UGT1A7: variants seen among roughly 807,000 people sequenced by gnomAD.
UGT1A7 encodes UDP-glucuronosyltransferase 1A7.
A neutral mutation model predicts 45.6 loss-of-function variants in UGT1A7; 33 were observed. The observed-to-expected ratio is 0.72, with a 90% CI of 0.55 to 0.97. The LOEUF is 0.97. Among genes scored for constraint, UGT1A7 ranks in the 50% least tolerant of loss-of-function variants. The pLI is 0.00. For synonymous variants in UGT1A7, 274 were observed against 250.6 expected (o/e 1.09, Z -0.88); for missense variants, 684 against 666.2 (o/e 1.03, Z -0.29).
chr2:233,739,902 C>T (rs1181002925), intron 1 of UGT1A7, among the ~76,000 whole-genome samples: 2 of 151,866 alleles, frequency 1.3e-5, no homozygotes, highest in Non-Finnish European at 2.9e-5. Context: ...AATCTCATCT[C>T]ATATTGTAAT....
chr2:233,683,289 T>C (rs2074626514), intron 1 of UGT1A7, among the ~76,000 whole-genome samples: 1 of 152,164 alleles, frequency 6.6e-6, no homozygotes, highest in South Asian at 2.1e-4. Context: ...GTTAAAGATA[T>C]CTTTACAGGT....
At position 233,713,306 on chromosome 2, in the gene UGT1A7, T is replaced by C. The variant is rs756011184; in HGVS notation, c.855+30514T>C. The C allele has an allele frequency of 9.9e-6, 16 of 1,614,116 alleles. No homozygotes were observed. In the African/African-American group the frequency reaches 1.7e-4, roughly 17 times the overall value. ...CTCAATCGTTCTTTGAAACAGAACA[T>C]CTTCTGATGAAATTTTCTAGAAGAA... On this transcript the variant is annotated intron_variant, in intron 1 of 4. Transcript: ENST00000373426.
At chr2:233,766,637 C>G (rs1389389579) in intron 1 of UGT1A7, among the ~76,000 whole-genome samples, 2 of 152,186 alleles carry the variant, frequency 1.3e-5, no homozygotes, top group African/African-American at 4.8e-5. Flanking sequence ...TTCCCTACTT[C>G]CATATCATTT....
chr2:233,713,124 C>T lies in UGT1A7; in HGVS notation c.855+30332C>T, dbSNP rs746932812. 81 of 1,614,064 alleles carry T rather than the reference C, an allele frequency of 5.0e-5. No individual in the cohort carries two copies. In the East Asian group the frequency reaches 1.0e-3, roughly 20 times the overall value. On this transcript the variant is annotated intron_variant, in intron 1 of 4. Coordinates refer to ENST00000373426, the MANE Select transcript of UGT1A7 (RefSeq NM_019077.3). ...TGATGGCAGCCACTGGCTCAGCATG[C>T]GGGAGGCCTTGCGGGACCTCCATGC...
intron 1 of UGT1A7, among the ~76,000 whole-genome samples, chr2:233,745,926 AAGGG>A (rs1399819653): frequency 2.0e-5 from 3 of 151,524 alleles, no homozygotes; most frequent in East Asian, 3.9e-4. Context: ...AGTGATTCAG[AAGGG>A]ACAGCTGGGG....
intron 1 of UGT1A7, chr2:233,693,751 G>A: frequency 1.2e-6 from 2 of 1,614,202 alleles, no homozygotes; most frequent in Non-Finnish European, 1.7e-6. Flanking sequence ...TATATCAGAA[G>A]GTCTCTGTTT....
At position 233,743,837 on chromosome 2, in the gene UGT1A7, G is replaced by A. The variant is rs371252305; in HGVS notation, c.856-23197G>A. On this transcript the variant is annotated intron_variant, in intron 1 of 4. Coordinates refer to ENST00000373426, the MANE Select transcript of UGT1A7 (RefSeq NM_019077.3). Reference sequence around the variant, plus strand: ...GTTTTTGTCGGGGTGCCACTTGAGCGCCAGCTTGCGGTACGCCTTCTTGAT... The same window carrying A: ...GTTTTTGTCGGGGTGCCACTTGAGCACCAGCTTGCGGTACGCCTTCTTGAT... 45 of 1,367,128 alleles carry A rather than the reference G, an allele frequency of 3.3e-5. No homozygotes were observed. The African/African-American group carries it at 3.6e-4, about 11-fold the overall frequency. 84.7% of individuals were successfully genotyped at this position (1,367,128 alleles called of 1,614,324 possible). A position where few individuals can be genotyped will look rare whatever the true frequency, so the allele number is the denominator to read the frequency against.
At chr2:233,719,330 G>T in intron 1 of UGT1A7, 1 of 1,613,866 alleles carries the variant, frequency 6.2e-7, no homozygotes, top group Admixed American at 1.7e-5. Flanking sequence ...TTCCTGCTGT[G>T]TTTTTTTGGA....
In UGT1A7 at chr2:233,740,517, A is replaced by G. The variant is rs139363796; in HGVS notation, c.856-26517A>G. On this transcript the variant is annotated intron_variant, in intron 1 of 4. Transcript: ENST00000373426. ...CTTTCCAGTGTGTGATGTAAGCTGA[A>G]CTAAAATCAGCTGTGTTGAACTCCA... 1.6e-4 allele frequency among the ~76,000 whole-genome samples: 25 copies of G among 152,030 alleles called. No individual in the cohort carries two copies. The East Asian group carries it at 4.2e-3, about 26-fold the overall frequency.
At chr2:233,699,325 A>G (rs1484519888) in intron 1 of UGT1A7, among the ~76,000 whole-genome samples, 1 of 152,046 alleles carries the variant, frequency 6.6e-6, no homozygotes, top group Non-Finnish European at 1.5e-5. Context: ...TATTTTGTTG[A>G]GTTTCATCCA....
In UGT1A7 at chr2:233,756,536, G is replaced by A. The variant is rs1381058944; in HGVS notation, c.856-10498G>A. Reference sequence around the variant, plus strand: ...AATGTGCATGTTATTCACTTTTCTTGACTGCTAAAACAACCAGGGAGATCC... The same window carrying A: ...AATGTGCATGTTATTCACTTTTCTTAACTGCTAAAACAACCAGGGAGATCC... On this transcript the variant is annotated intron_variant, in intron 1 of 4. Coordinates refer to ENST00000373426, the MANE Select transcript of UGT1A7 (RefSeq NM_019077.3). 2.0e-5 allele frequency among the ~76,000 whole-genome samples: 3 copies of A among 151,924 alleles called. No individual in the cohort carries two copies. The East Asian group carries it at 5.8e-4, about 29-fold the overall frequency.
intron 1 of UGT1A7, among the ~76,000 whole-genome samples, chr2:233,740,368 A>C (rs1423573410): frequency 6.6e-6 from 1 of 151,928 alleles, no homozygotes; most frequent in Non-Finnish European, 1.5e-5. Flanking sequence ...AATTCCTAGA[A>C]AGGTAAGTTG....
At chr2:233,752,907 C>T (rs1171888690) in intron 1 of UGT1A7, among the ~76,000 whole-genome samples, 1 of 152,232 alleles carries the variant, frequency 6.6e-6, no homozygotes, top group East Asian at 1.9e-4. Flanking sequence ...ACAGATCCAC[C>T]TCTGAGTGAC....
intron 1 of UGT1A7, among the ~76,000 whole-genome samples, chr2:233,694,835 G>A (rs577816830): frequency 6.6e-5 from 10 of 152,200 alleles, no homozygotes; most frequent in Non-Finnish European, 1.3e-4. Context: ...AACATAGAAT[G>A]TCAGGATTCT....
At chr2:233,693,351 T>G in intron 1 of UGT1A7, 1 of 1,614,154 alleles carries the variant, frequency 6.2e-7, no homozygotes, top group Non-Finnish European at 8.5e-7. Context: ...AGGAATAACA[T>G]GATTGTTATT....
rs776447036 is a variant in UGT1A7, at chr2:233,682,035, T to A, written c.98T>A (p.Met33Lys). ...GCAGGGAAGCTGCTGGTAGTGCCCATGGATGGGAGCCACTGGTTCACCATG... is the reference window on the plus strand; with the variant it reads ...GCAGGGAAGCTGCTGGTAGTGCCCAAGGATGGGAGCCACTGGTTCACCATG... The part of the protein sequence containing the change: ...AKAGKLLVVP[M>K]DGSHWFTMQS... Residue 33 changes from methionine to lysine, a missense_variant, in exon 1 of 5, where the codon ATG (methionine) becomes AAG (lysine). Physicochemically the swap from Met to Lys is moderately conservative, Grantham distance 95. Coordinates refer to ENST00000373426, the MANE Select transcript of UGT1A7 (RefSeq NM_019077.3). 1.7e-5 allele frequency: 27 copies of A among 1,613,988 alleles called. No homozygotes were observed. Among genetic ancestry groups the A allele is most frequent in the Non-Finnish European group, 2.3e-5 (27 of 1,180,022 alleles).
rs558793196 is a variant in UGT1A7, at chr2:233,687,763, G to A, written c.855+4971G>A. Among the ~76,000 whole-genome samples, 108 of 152,010 alleles carry A rather than the reference G, an allele frequency of 7.1e-4. 1 individual carries two copies. The highest frequency in any genetic ancestry group is 2.3e-3 in the African/African-American group (97 of 41,446). On this transcript the variant is annotated intron_variant, in intron 1 of 4. Transcript: ENST00000373426. ...ACAAAAAATGTTTTAAAAATTAGCT[G>A]GGCCTGGTGGCATATGCCTGTGGTC...
At chr2:233,728,480 C>T (rs1317741863) in intron 1 of UGT1A7, among the ~76,000 whole-genome samples, 1 of 152,156 alleles carries the variant, frequency 6.6e-6, no homozygotes, top group Non-Finnish European at 1.5e-5. Context: ...ATCTGATCAT[C>T]ACATCTTGAG....
chr2:233,743,773 C>T (rs367921172), intron 1 of UGT1A7: 3 of 1,367,248 alleles, frequency 2.2e-6, no homozygotes, highest in Non-Finnish European at 2.0e-6. Flanking sequence ...CCTCGGCCAC[C>T]TGCTTGAATC....
Sources: allele counts gnomAD v4.1 joint callset (sites outside exome capture counted in the v4.1 genomes callset), GRCh38; gene constraint gnomAD v4.1.1; transcripts MANE v1.5; gene names NCBI Gene and HGNC (gene_info 2026-07-23, HGNC 2026-07-21).